INSIG2: variants seen among roughly 807,000 people sequenced by gnomAD.
The protein encoded by INSIG2 is insulin induced gene 2, also known as insulin-induced gene 2 protein.
A neutral mutation model predicts 27.2 loss-of-function variants in INSIG2; 10 were observed. That is an observed-to-expected ratio of 0.37 (90% confidence interval 0.23 to 0.62). INSIG2 has a LOEUF of 0.62. Among genes scored for constraint, INSIG2 ranks in the 20% least tolerant of loss-of-function variants. The probability of loss-of-function intolerance (pLI) is 0.65; values close to 1 mark genes in which losing one functional copy is unlikely to be tolerated. For missense variants in INSIG2, 178 were observed against 270.2 expected (o/e 0.66, Z 2.39); for synonymous variants, 97 against 95.8 (o/e 1.01, Z -0.07).
In INSIG2 at chr2:118,109,933, A is replaced by G. The variant is rs988437234; in HGVS notation, c.*1611A>G. On this transcript the variant is annotated 3_prime_UTR_variant, in exon 6 of 6. Coordinates refer to ENST00000245787, the MANE Select transcript of INSIG2 (RefSeq NM_016133.4). ...TTTTAGAATCAACTTTGTAAGCACTATAAAATCTTTAATAAGTTATAAGGT... is the reference window on the plus strand; with the variant it reads ...TTTTAGAATCAACTTTGTAAGCACTGTAAAATCTTTAATAAGTTATAAGGT... 6.5e-5 allele frequency: 10 copies of G among 152,718 alleles called. No homozygotes were observed. The highest frequency in any genetic ancestry group is 2.4e-4 in the African/African-American group (10 of 41,560). 9.5% of individuals were successfully genotyped at this position (152,718 alleles called of 1,614,324 possible).
At chr2:118,101,010 A>G (rs951679063) in intron 2 of INSIG2, among the ~76,000 whole-genome samples, 2 of 152,158 alleles carry the variant, frequency 1.3e-5, no homozygotes, top group Non-Finnish European at 2.9e-5. Flanking sequence ...GCATCAGAGA[A>G]CCATTTGATT....
chr2:118,105,153 G>GC (rs774743127), intron 3 of INSIG2, among the ~76,000 whole-genome samples: 5 of 152,164 alleles, frequency 3.3e-5, no homozygotes, highest in Non-Finnish European at 7.3e-5. Flanking sequence ...CCATTCTCCT[G>GC]CCTCAGCCTC....
chr2:118,104,941 AGATATCCT>A (rs1678637158), intron 3 of INSIG2, among the ~76,000 whole-genome samples: 1 of 152,226 alleles, frequency 6.6e-6, no homozygotes, highest in African/African-American at 2.4e-5. Flanking sequence ...TAGCAATCTT[AGATATCCT>A]GTTGTCCTTC....
chr2:118,109,918 A>G lies in INSIG2; in HGVS notation c.*1596A>G, dbSNP rs928921766. 2.0e-5 allele frequency: 3 copies of G among 152,552 alleles called. No homozygotes were observed. The highest frequency in any genetic ancestry group is 2.9e-5 in the Non-Finnish European group (2 of 68,038). 9.4% of individuals were successfully genotyped at this position (152,552 alleles called of 1,614,324 possible). On this transcript the variant is annotated 3_prime_UTR_variant, in exon 6 of 6. Transcript: ENST00000245787. The stretch of plus-strand genomic sequence containing the variant: ...CAAATAAGGTATATTTTTTAGAATC[A>G]ACTTTGTAAGCACTATAAAATCTTT...
Position 118,108,530 on chromosome 2 carries a change from T to C in INSIG2, c.*208T>C. On this transcript the variant is annotated 3_prime_UTR_variant, in exon 6 of 6. Transcript: ENST00000245787. ...TTCATCTGTAAATCAGTTGTAAACC[T>C]TTACATATTTGACTTAAATAACTGT... The C allele has an allele frequency of 2.3e-6, 1 of 426,736 alleles. No individual in the cohort carries two copies. The highest frequency in any genetic ancestry group is 4.2e-6 in the Non-Finnish European group (1 of 236,244). The allele number at this position is 426,736 out of a possible 1,614,324, so 26.4% of individuals were successfully genotyped here. A position where few individuals can be genotyped will look rare whatever the true frequency, so the allele number is the denominator to read the frequency against.
chr2:118,109,736 C>T lies in INSIG2; in HGVS notation c.*1414C>T, dbSNP rs1443298908. The T allele has an allele frequency of 6.6e-6, 1 of 151,344 alleles. No homozygotes were observed. The highest frequency in any genetic ancestry group is 1.9e-4 in the East Asian group (1 of 5,166). 9.4% of individuals were successfully genotyped at this position (151,344 alleles called of 1,614,324 possible). A position where few individuals can be genotyped will look rare whatever the true frequency, so the allele number is the denominator to read the frequency against. On this transcript the variant is annotated 3_prime_UTR_variant, in exon 6 of 6. Coordinates refer to ENST00000245787, the MANE Select transcript of INSIG2 (RefSeq NM_016133.4). ...TACTATCAGACTGAGATCTTGTATG[C>T]CAAACTTTAATCTGCTTTTATGTTT...
intron 2 of INSIG2, among the ~76,000 whole-genome samples, chr2:118,098,838 A>T (rs1400029889): frequency 3.3e-5 from 5 of 152,164 alleles, no homozygotes; most frequent in Non-Finnish European, 7.3e-5. Context: ...TCATTTGGGG[A>T]ATTTGCATTT....
intron 1 of INSIG2, among the ~76,000 whole-genome samples, chr2:118,095,049 A>C (rs1289611631): frequency 1.3e-5 from 2 of 152,254 alleles, no homozygotes; most frequent in African/African-American, 4.8e-5. Flanking sequence ...GCATAGGCAC[A>C]GTGATATTAA....
intron 1 of INSIG2, among the ~76,000 whole-genome samples, chr2:118,095,236 ATAAAAG>A (rs1474180200): frequency 1.3e-5 from 2 of 152,254 alleles, no homozygotes; most frequent in Non-Finnish European, 2.9e-5. Flanking sequence ...GTTGGATGGG[ATAAAAG>A]TAAATTACCT....
Position 118,109,229 on chromosome 2 carries a change from C to A in INSIG2, c.*907C>A, listed in dbSNP as rs1678753251. The A allele has an allele frequency of 6.6e-6, 1 of 152,164 alleles. No individual in the cohort carries two copies. Among genetic ancestry groups the A allele is most frequent in the Non-Finnish European group, 1.5e-5 (1 of 68,042 alleles). The allele number at this position is 152,164 out of a possible 1,614,324, so 9.4% of individuals were successfully genotyped here. ...CATATAGGAAACTCCAAACAGATCA[C>A]AATGAGGTTTCTAAATCTGTTGGGT... On this transcript the variant is annotated 3_prime_UTR_variant, in exon 6 of 6. Transcript: ENST00000245787.
chr2:118,094,907 G>A (rs988934531), intron 1 of INSIG2, among the ~76,000 whole-genome samples: 1 of 152,178 alleles, frequency 6.6e-6, no homozygotes, highest in Non-Finnish European at 1.5e-5. Flanking sequence ...TGATGATTAG[G>A]AGCTAGGTTT....
At chr2:118,088,884 G>C (rs1678152951) in intron 1 of INSIG2, among the ~76,000 whole-genome samples, 1 of 152,202 alleles carries the variant, frequency 6.6e-6, no homozygotes, top group Non-Finnish European at 1.5e-5. Context: ...TCAGCGAGCT[G>C]TCAAGCATAG....
chr2:118,094,701 G>C (rs1038891671), intron 1 of INSIG2, among the ~76,000 whole-genome samples: 4 of 152,146 alleles, frequency 2.6e-5, no homozygotes, highest in African/African-American at 9.7e-5. Flanking sequence ...CCAGTAAAAA[G>C]GCCCGTTGTC....
chr2:118,103,579 T>G (rs1479636038), intron 3 of INSIG2, among the ~76,000 whole-genome samples: 1 of 152,246 alleles, frequency 6.6e-6, no homozygotes, highest in Non-Finnish European at 1.5e-5. Flanking sequence ...TTGTTTTTCT[T>G]AAATTTGGTT....
At chr2:118,101,503 A>G (rs1678543737) in intron 2 of INSIG2, among the ~76,000 whole-genome samples, 1 of 152,190 alleles carries the variant, frequency 6.6e-6, no homozygotes, top group African/African-American at 2.4e-5. Flanking sequence ...TCAGTTGCTC[A>G]GGAAAATTGA....
Position 118,096,592 on chromosome 2 carries a change from A to G in INSIG2, c.36A>G (p.Lys12=), listed in dbSNP as rs764768054. Reference sequence around the variant, plus strand: ...GAGAGACAGAGTCACCTGGGCCCAAAAAGTGTGGCCCATATATTTCATCTG... The same window carrying G: ...GAGAGACAGAGTCACCTGGGCCCAAGAAGTGTGGCCCATATATTTCATCTG... ...AEGETESPGP[K]KCGPYISSVT... The change falls in exon 2 of 6, where the codon AAA becomes AAG. Residue 12 remains lysine (K), a synonymous_variant. Coordinates refer to ENST00000245787, the MANE Select transcript of INSIG2 (RefSeq NM_016133.4). 9.3e-6 allele frequency: 15 copies of G among 1,613,750 alleles called. No homozygotes were observed. Among genetic ancestry groups the G allele is most frequent in the Admixed American group, 1.7e-5 (1 of 59,996 alleles).
At chr2:118,095,854 G>T (rs1285497962) in intron 1 of INSIG2, among the ~76,000 whole-genome samples, 1 of 152,108 alleles carries the variant, frequency 6.6e-6, no homozygotes, top group Non-Finnish European at 1.5e-5. Context: ...TGTGTGCGTG[G>T]TGGTCTGGTT....
chr2:118,099,086 T>A (rs1294728676), intron 2 of INSIG2, among the ~76,000 whole-genome samples: 1 of 152,244 alleles, frequency 6.6e-6, no homozygotes, highest in African/African-American at 2.4e-5. Flanking sequence ...ATCATTATTT[T>A]AGGGAAAGTA....
chr2:118,108,325 A>G lies in INSIG2; in HGVS notation c.*3A>G. 3 of 1,594,684 alleles carry G rather than the reference A, an allele frequency of 1.9e-6. No homozygotes were observed. Among genetic ancestry groups the G allele is most frequent in the South Asian group, 1.1e-5 (1 of 88,754 alleles). On this transcript the variant is annotated 3_prime_UTR_variant, in exon 6 of 6. Coordinates refer to ENST00000245787, the MANE Select transcript of INSIG2 (RefSeq NM_016133.4). ...CAGAAAAATCTCATCAGGAATGAAG[A>G]AGGCAAAAAATATCTTTTGTACAGA...
Sources: gnomAD v4.1 joint callset for allele counts (sites outside exome capture counted in the v4.1 genomes callset) on GRCh38, gnomAD v4.1.1 for gene constraint, MANE v1.5 for transcripts, NCBI Gene and HGNC (gene_info 2026-07-23, HGNC 2026-07-21) for gene names.